MS4A12: variants seen among roughly 807,000 people sequenced by gnomAD.
The protein encoded by MS4A12 is membrane spanning 4-domains A12, also known as membrane-spanning 4-domains subfamily A member 12.
Under a neutral mutation model 23.7 loss-of-function variants are expected in MS4A12, and 28 were observed. The ratio of observed to expected loss-of-function variants is 1.18; its 90% confidence interval spans 0.88 to 1.62. The LOEUF (loss-of-function observed/expected upper bound fraction) is 1.62, where lower values mean the gene tolerates loss of function less well. Ranked by LOEUF, MS4A12 falls within the 40% of genes most tolerant of loss-of-function variation. The pLI, the probability that MS4A12 is intolerant of heterozygous loss-of-function variation, is 0.00. For missense variants in MS4A12, 342 were observed against 327.0 expected (o/e 1.05, Z -0.35); for synonymous variants, 108 against 110.1 (o/e 0.98, Z 0.12).
At chr11:60,506,526 A>G (rs1427082476) in intron 5 of MS4A12, among the ~76,000 whole-genome samples, 1 of 152,220 alleles carries the variant, frequency 6.6e-6, no homozygotes, top group Non-Finnish European at 1.5e-5. Flanking sequence ...CCTACTTACC[A>G]AAAGGAAAGA....
chr11:60,500,000 G>A (rs1382357965), intron 2 of MS4A12, among the ~76,000 whole-genome samples: 1 of 152,098 alleles, frequency 6.6e-6, no homozygotes, highest in Non-Finnish European at 1.5e-5. Context: ...TACACTTTGG[G>A]AGGCCAAGGC....
rs1473051247 is a variant in MS4A12, at chr11:60,504,373, A to T, written c.588+556A>T. ...AAGAGGAAATGGGTGGCCCAAGGGC[A>T]GGAATGCTTACCATCTATAAGGAAT... On this transcript the variant is annotated intron_variant, in intron 5 of 6. Coordinates refer to ENST00000016913, the MANE Select transcript of MS4A12 (RefSeq NM_017716.3). 2.6e-5 allele frequency among the ~76,000 whole-genome samples: 4 copies of T among 152,230 alleles called. No homozygotes were observed. The East Asian group carries it at 7.7e-4, about 29-fold the overall frequency.
At chr11:60,497,756 C>T in intron 2 of MS4A12, 162 bp downstream of exon 2, 3 of 827,002 alleles carry the variant, frequency 3.6e-6, no homozygotes, top group Non-Finnish European at 5.5e-6. Context: ...CCCTTGAGTT[C>T]ATTTCATTTT....
rs2086533999 is a variant in MS4A12 at position 60,502,009 on chromosome 11, G to A, written c.441G>A (p.Val147=). 1.2e-6 allele frequency: 2 copies of A among 1,613,182 alleles called. No individual in the cohort carries two copies. The highest frequency in any genetic ancestry group is 1.7e-6 in the Non-Finnish European group (2 of 1,179,214). Reference sequence around the variant, plus strand: ...TTATTATCTCTGGCTCTCTCTCTGTGTCAGCATCCAAGGAGCTTTCCCGTT... The same window carrying A: ...TTATTATCTCTGGCTCTCTCTCTGTATCAGCATCCAAGGAGCTTTCCCGTT... ...LSFIISGSLS[V]SASKELSRCL... The change falls in exon 4 of 7, where the codon GTG becomes GTA. Residue 147 remains valine (V), a synonymous_variant. Coordinates refer to ENST00000016913, the MANE Select transcript of MS4A12 (RefSeq NM_017716.3).
Position 60,507,289 on chromosome 11 carries a change from G to T in MS4A12, c.*165G>T. On this transcript the variant is annotated 3_prime_UTR_variant, in exon 7 of 7. Coordinates refer to ENST00000016913, the MANE Select transcript of MS4A12 (RefSeq NM_017716.3). ...AATGATGGCTGTATCTCCCTTCACTGTCTCTTCCTACATTACCACTACTAC... is the reference window on the plus strand; with the variant it reads ...AATGATGGCTGTATCTCCCTTCACTTTCTCTTCCTACATTACCACTACTAC... 5 of 611,536 alleles carry T rather than the reference G, an allele frequency of 8.2e-6. No individual in the cohort carries two copies. In the South Asian group the frequency reaches 1.0e-4, roughly 13 times the overall value. The allele number at this position is 611,536 out of a possible 1,614,324, so 37.9% of individuals were successfully genotyped here. A position where few individuals can be genotyped will look rare whatever the true frequency, so the allele number is the denominator to read the frequency against.
intron 2 of MS4A12, among the ~76,000 whole-genome samples, chr11:60,500,552 G>T (rs1239619694): frequency 3.3e-5 from 5 of 152,088 alleles, no homozygotes; most frequent in Non-Finnish European, 7.4e-5. Flanking sequence ...AGTTGTAGGA[G>T]GATTACATGA....
chr11:60,502,229 C>G (rs2086536076), intron 4 of MS4A12, among the ~76,000 whole-genome samples, 190 bp downstream of exon 4: 1 of 152,154 alleles, frequency 6.6e-6, no homozygotes, highest in South Asian at 2.1e-4. Context: ...TAAGAAATGG[C>G]AGAGCTCCAT....
intron 4 of MS4A12, among the ~76,000 whole-genome samples, chr11:60,502,357 G>A (rs1384621877): frequency 6.6e-6 from 1 of 152,206 alleles, no homozygotes; most frequent in Non-Finnish European, 1.5e-5. Context: ...GTCCAAAGGA[G>A]AATCCAGGAG....
Position 60,501,056 on chromosome 11 carries a change from C to A in MS4A12, c.288C>A (p.Ile96=). The part of the protein sequence containing the change: ...EEAKALGVIQ[I]MVGLMHIGFG... Reference sequence around the variant, plus strand: ...TTTTCTTTTTTCAGGTGATCCAGATCATGGTTGGATTGATGCACATTGGTT... The same window carrying A: ...TTTTCTTTTTTCAGGTGATCCAGATAATGGTTGGATTGATGCACATTGGTT... Residue 96 remains isoleucine, a synonymous_variant, in exon 3 of 7, where the codon ATC becomes ATA. Transcript: ENST00000016913. The A allele has an allele frequency of 6.2e-7, 1 of 1,602,716 alleles. No individual in the cohort carries two copies. Among genetic ancestry groups the A allele is most frequent in the Non-Finnish European group, 8.5e-7 (1 of 1,176,398 alleles).
chr11:60,495,193 G>A lies in MS4A12; in HGVS notation c.-6-2120G>A, dbSNP rs61318591. ...TTTTTTTTGTATTTTTAGTAGAGAC[G>A]GGGTTTCACCATGTTAGCCAGGATG... On this transcript the variant is annotated intron_variant, in intron 1 of 6. Transcript: ENST00000016913. 5.2e-4 allele frequency among the ~76,000 whole-genome samples: 79 copies of A among 150,778 alleles called. 1 individual carries two copies. The highest frequency in any genetic ancestry group is 1.9e-3 in the African/African-American group (77 of 40,996).
At position 60,492,825 on chromosome 11, in the gene MS4A12, C is replaced by G. The variant is rs115937965; in HGVS notation, c.-10C>G. On this transcript the variant is annotated 5_prime_UTR_variant, in exon 1 of 7. Coordinates refer to ENST00000016913, the MANE Select transcript of MS4A12 (RefSeq NM_017716.3). The stretch of plus-strand genomic sequence containing the variant: ...AGGAAACATAGAGGTGCCAAAGGAA[C>G]AAAGTAAGTCCATTGATACGTTCTT... 6.6e-6 allele frequency: 1 copy of G among 152,186 alleles called. No individual in the cohort carries two copies. 9.4% of individuals were successfully genotyped at this position (152,186 alleles called of 1,614,324 possible).
At chr11:60,493,293 G>T (rs145185579) in intron 1 of MS4A12, among the ~76,000 whole-genome samples, 1 of 151,282 alleles carries the variant, frequency 6.6e-6, no homozygotes, top group African/African-American at 2.4e-5. Context: ...GGAGAATCAC[G>T]TGAACTCGGG....
chr11:60,503,255 C>T (rs2086544408), intron 4 of MS4A12, among the ~76,000 whole-genome samples: 1 of 152,146 alleles, frequency 6.6e-6, no homozygotes, highest in Admixed American at 6.5e-5. Flanking sequence ...TTTCAGCAAA[C>T]ATGTTGTGTC....
At chr11:60,497,833 G>A (rs565138031) in intron 2 of MS4A12, 138 of 477,638 alleles carry the variant, frequency 2.9e-4, no homozygotes, top group East Asian at 5.4e-4. Flanking sequence ...TAATATTGAC[G>A]TGACAGAAGC....
In MS4A12 at chr11:60,507,051, G is replaced by C. The variant is rs780675530; in HGVS notation, c.731G>C (p.Ser244Thr). Reference protein sequence around the residue: ...SVLVIPNMYESNPVTPASSSA... With the variant: ...SVLVIPNMYETNPVTPASSSA... ...CTGGTTATTCCAAATATGTATGAAA[G>C]CAACCCTGTGACACCAGCGTCTTCT... The change falls in exon 7 of 7, where the codon AGC becomes ACC. Residue 244 changes from serine (S) to threonine (T), a missense_variant. Ser to Thr is a moderately conservative substitution (Grantham distance 58). Transcript: ENST00000016913. 1 of 1,613,848 alleles carries C rather than the reference G, an allele frequency of 6.2e-7. No homozygotes were observed. Among genetic ancestry groups the C allele is most frequent in the African/African-American group, 1.3e-5 (1 of 74,904 alleles).
At chr11:60,502,062 T>C (rs774011283) in intron 4 of MS4A12, 23 bp downstream of exon 4, 1 of 1,586,808 alleles carries the variant, frequency 6.3e-7, no homozygotes, top group Admixed American at 1.7e-5. Flanking sequence ...GTCTCTACTT[T>C]TTGAACCCCT....
chr11:60,506,402 G>C (rs2086569814), intron 5 of MS4A12, among the ~76,000 whole-genome samples: 1 of 151,810 alleles, frequency 6.6e-6, no homozygotes, highest in South Asian at 2.1e-4. Flanking sequence ...TGATCCGTTG[G>C]TTTCTGTATT....
chr11:60,499,386 C>T (rs74548200), intron 2 of MS4A12, among the ~76,000 whole-genome samples: 18 of 152,332 alleles, frequency 1.2e-4, no homozygotes, highest in African/African-American at 4.3e-4. Context: ...GATCTAACTG[C>T]CCCTCATCAA....
chr11:60,497,163 G>GAATC (rs2086493227), intron 1 of MS4A12, 150 bp from the exon 2 acceptor site: 1 of 985,026 alleles, frequency 1.0e-6, no homozygotes, highest in Non-Finnish European at 1.5e-6. Flanking sequence ...GGACTTATGA[G>GAATC]AATCATGTTT....
Sources: gnomAD v4.1 joint callset for allele counts (sites outside exome capture counted in the v4.1 genomes callset) on GRCh38, gnomAD v4.1.1 for gene constraint, MANE v1.5 for transcripts, NCBI Gene and HGNC (gene_info 2026-07-23, HGNC 2026-07-21) for gene names.